PCDH9: variants seen among roughly 807,000 people sequenced by gnomAD.
The protein encoded by PCDH9 is protocadherin 9.
A neutral mutation model predicts 70.6 loss-of-function variants in PCDH9; 24 were observed. The observed-to-expected ratio is 0.34, with a 90% CI of 0.25 to 0.48. PCDH9 has a LOEUF of 0.48. Ranked by LOEUF, PCDH9 falls within the 20% of genes least tolerant of loss-of-function variation. The probability of loss-of-function intolerance (pLI) is 0.99; values close to 1 mark genes in which losing one functional copy is unlikely to be tolerated. For synonymous variants in PCDH9, 562 were observed against 558.5 expected, an observed-to-expected ratio of 1.01 and a Z score of -0.09; for missense variants, 1,281 against 1,503.6, an observed-to-expected ratio of 0.85 and a Z score of 2.45.
At chr13:67,215,010 A>G (rs1247231702) in intron 2 of PCDH9, 2 of 137,236 alleles carry the variant, frequency 1.5e-5, no homozygotes, top group African/African-American at 5.4e-5. Context: ...TGGATTTGGC[A>G]TGATTACACC....
chr13:66,943,852 G>T (rs919442006), intron 2 of PCDH9, among the ~76,000 whole-genome samples: 1 of 152,102 alleles, frequency 6.6e-6, no homozygotes, highest in Non-Finnish European at 1.5e-5. Context: ...GGGCCAGGAA[G>T]CTTGCTTGAA....
At chr13:66,890,306 T>G (rs552880912) in intron 3 of PCDH9, among the ~76,000 whole-genome samples, 1 of 152,084 alleles carries the variant, frequency 6.6e-6, no homozygotes, top group Non-Finnish European at 1.5e-5. Flanking sequence ...CATTTGCATA[T>G]AGTAAAATTC....
chr13:66,725,483 T>C (rs1480292852), intron 3 of PCDH9, among the ~76,000 whole-genome samples: 1 of 152,198 alleles, frequency 6.6e-6, no homozygotes, highest in East Asian at 1.9e-4. Flanking sequence ...AGATCCTACA[T>C]GATTTCATCA....
intron 2 of PCDH9, among the ~76,000 whole-genome samples, chr13:67,120,115 C>T (rs1204929167): frequency 6.6e-6 from 1 of 151,026 alleles, no homozygotes; most frequent in Non-Finnish European, 1.5e-5. Flanking sequence ...GTTTCCCAAG[C>T]CTATGTATGT....
rs546106981 is a variant in PCDH9 at position 66,536,310 on chromosome 13, AC to A, written c.3340+94899del. On this transcript the variant is annotated intron_variant, in intron 4 of 4. Transcript: ENST00000377865. ...CCTTGTCCAGTGCTCTTCCTTTTAT[AC>A]CATGCAGGTGTGAATGTAATAACAG... is the stretch of plus-strand genomic sequence containing the variant. 1.6e-4 allele frequency among the ~76,000 whole-genome samples: 25 copies of A among 152,196 alleles called. No homozygotes were observed. The South Asian group carries it at 5.2e-3, about 32-fold the overall frequency.
At chr13:67,172,985 G>C (rs1446746632) in intron 2 of PCDH9, among the ~76,000 whole-genome samples, 1 of 151,094 alleles carries the variant, frequency 6.6e-6, no homozygotes, top group Admixed American at 6.6e-5. Context: ...AAATAATGCA[G>C]AAAACATAAC....
chr13:67,004,876 C>T (rs1243919738), intron 2 of PCDH9, among the ~76,000 whole-genome samples: 1 of 151,930 alleles, frequency 6.6e-6, no homozygotes, highest in East Asian at 1.9e-4. Flanking sequence ...TAAATAAATG[C>T]TTTAGCTATT....
chr13:66,517,770 T>C (rs1451965459), intron 4 of PCDH9, among the ~76,000 whole-genome samples: 1 of 152,208 alleles, frequency 6.6e-6, no homozygotes, highest in East Asian at 1.9e-4. Flanking sequence ...ATACTTTTAA[T>C]AAACAATTCT....
At chr13:66,892,011 A>C (rs1196757420) in intron 3 of PCDH9, among the ~76,000 whole-genome samples, 4 of 151,844 alleles carry the variant, frequency 2.6e-5, no homozygotes, top group African/African-American at 9.7e-5. Flanking sequence ...GTTGGAAATA[A>C]ATGATGTGGC....
At chr13:66,817,538 A>G (rs1304887448) in intron 3 of PCDH9, among the ~76,000 whole-genome samples, 1 of 152,174 alleles carries the variant, frequency 6.6e-6, no homozygotes, top group Non-Finnish European at 1.5e-5. Context: ...ATATCATTGT[A>G]ATATTTAATA....
At chr13:66,656,663 C>T (rs979914596) in intron 3 of PCDH9, among the ~76,000 whole-genome samples, 5 of 152,084 alleles carry the variant, frequency 3.3e-5, no homozygotes, top group South Asian at 2.1e-4. Flanking sequence ...AAAATGCCCT[C>T]TTCTGTAGTT....
intron 4 of PCDH9, among the ~76,000 whole-genome samples, chr13:66,483,826 G>T (rs1260001811): frequency 1.3e-5 from 2 of 152,038 alleles, no homozygotes; most frequent in African/African-American, 4.8e-5. Context: ...GGCCTGCCAC[G>T]CCCCCTTCCT....
chr13:66,595,951 A>T (rs1463468920), intron 4 of PCDH9, among the ~76,000 whole-genome samples: 2 of 151,874 alleles, frequency 1.3e-5, no homozygotes, highest in Middle Eastern at 3.4e-3. Flanking sequence ...ATAGGATTTT[A>T]AAAATGCATA....
At chr13:66,944,713 T>C (rs978069581) in intron 2 of PCDH9, among the ~76,000 whole-genome samples, 29 of 152,174 alleles carry the variant, frequency 1.9e-4, no homozygotes, top group African/African-American at 6.8e-4. Context: ...TTTGAGGTTG[T>C]GCACACAGCT....
chr13:66,976,979 T>G (rs2083633027), intron 2 of PCDH9, among the ~76,000 whole-genome samples: 1 of 152,134 alleles, frequency 6.6e-6, no homozygotes, highest in Non-Finnish European at 1.5e-5. Context: ...AACACTAATG[T>G]TGAAAAGCAG....
intron 3 of PCDH9, among the ~76,000 whole-genome samples, chr13:66,811,798 C>T (rs1342028851): frequency 6.6e-6 from 1 of 150,866 alleles, no homozygotes; most frequent in African/African-American, 2.4e-5. Flanking sequence ...CTCTTTCTCT[C>T]CTTCTTTCCT....
chr13:67,110,664 AAC>A (rs2086642317), intron 2 of PCDH9, among the ~76,000 whole-genome samples: 1 of 152,218 alleles, frequency 6.6e-6, no homozygotes, highest in Non-Finnish European at 1.5e-5. Flanking sequence ...ATAATCTCAC[AAC>A]AGTTTTACAA....
At chr13:66,427,248 T>A (rs1292841267) in intron 4 of PCDH9, among the ~76,000 whole-genome samples, 1 of 151,718 alleles carries the variant, frequency 6.6e-6, no homozygotes, top group Non-Finnish European at 1.5e-5. Flanking sequence ...GCTGAATTAC[T>A]ACCATAATGA....
At position 66,371,211 on chromosome 13, in the gene PCDH9, C is replaced by T. The variant is rs7993001; in HGVS notation, c.3341-66183G>A. 6.7e-3 allele frequency among the ~76,000 whole-genome samples: 1,025 copies of T among 152,036 alleles called. 14 individuals are homozygous for T. The highest frequency in any genetic ancestry group is 0.023 in the African/African-American group (962 of 41,492). On this transcript the variant is annotated intron_variant, in intron 4 of 4. Transcript: ENST00000377865. ...CTTTCATGATCGCATTTTCCCTAAT[C>T]TTTTTCAAGTCATTAATGTTAAAAT...
Sources: gnomAD v4.1 joint callset for allele counts (sites outside exome capture counted in the v4.1 genomes callset) on GRCh38, gnomAD v4.1.1 for gene constraint, MANE v1.5 for transcripts, NCBI Gene and HGNC (gene_info 2026-07-23, HGNC 2026-07-21) for gene names.